Variants in CCDC33 observed in about 807,000 individuals in gnomAD.
CCDC33 encodes coiled-coil domain containing 33, also known as coiled-coil domain-containing protein 33.
A neutral mutation model predicts 91.9 loss-of-function variants in CCDC33; 94 were observed. The observed-to-expected ratio is 1.02, with a 90% confidence interval of 0.87 to 1.21. The LOEUF (loss-of-function observed/expected upper bound fraction) is 1.21, where lower values mean the gene tolerates loss of function less well. Ranked by LOEUF, CCDC33 falls within the 50% of genes most tolerant of loss-of-function variation. The probability of loss-of-function intolerance (pLI) is 0.00; values close to 1 mark genes in which losing one functional copy is unlikely to be tolerated. For missense variants in CCDC33, 940 were observed against 935.5 expected, an observed-to-expected ratio of 1.00 and a Z score of -0.06; for synonymous variants, 396 against 374.5, an observed-to-expected ratio of 1.06 and a Z score of -0.66.
chr15:74,286,568 T>C (rs1055567180), intron 10 of CCDC33, among the ~76,000 whole-genome samples: 8 of 152,172 alleles, frequency 5.3e-5, no homozygotes, highest in Non-Finnish European at 8.8e-5. Context: ...AGGTGCTCAC[T>C]GCATCAGTTC....
In CCDC33 at chr15:74,208,006, C is replaced by G. The variant is rs74802269; in HGVS notation, n.90-1382C>G. 3.6e-3 allele frequency: 5,067 copies of G among 1,393,930 alleles called. 146 individuals carry two copies. In the African/African-American group the frequency reaches 0.064, roughly 18 times the overall value. 86.3% of individuals were successfully genotyped at this position (1,393,930 alleles called of 1,614,324 possible). A position where few individuals can be genotyped will look rare whatever the true frequency, so the allele number is the denominator to read the frequency against. The stretch of plus-strand genomic sequence containing the variant: ...GGGTCAGAAGCACCATCTGATGTGC[C>G]CTTCCTGCAATTCTCATGCCCCCCT... On this transcript the variant is annotated intron_variant and non_coding_transcript_variant, in intron 1 of 3. Transcript: ENST00000558645.
chr15:74,219,657 G>A (rs2074537573), intron 2 of CCDC33, among the ~76,000 whole-genome samples: 1 of 152,172 alleles, frequency 6.6e-6, no homozygotes, highest in African/African-American at 2.4e-5. Context: ...ACTAGGAACG[G>A]CTTCTTGGAA....
At chr15:74,304,121 C>T (rs2142692575) in intron 11 of CCDC33, 1 of 152,404 alleles carries the variant, frequency 6.6e-6, no homozygotes, top group Admixed American at 6.5e-5. Context: ...GCTGTGTGAC[C>T]TTGGATAAAT....
At chr15:74,208,371 C>T (rs1436953883) in intron 1 of CCDC33, among the ~76,000 whole-genome samples, 1 of 152,166 alleles carries the variant, frequency 6.6e-6, no homozygotes, top group African/African-American at 2.4e-5. Context: ...GTTCCCAGCA[C>T]GTTCCTCCCT....
chr15:74,298,709 CT>C (rs35450110), intron 11 of CCDC33, among the ~76,000 whole-genome samples: 21,011 of 74,772 alleles, frequency 0.28, 1,375 homozygotes, highest in South Asian at 0.38. Context: ...CTAATTCTGC[CT>C]TTTTTTTTTT....
At chr15:74,318,342 C>G (rs1484096860) in intron 11 of CCDC33, among the ~76,000 whole-genome samples, 1 of 152,046 alleles carries the variant, frequency 6.6e-6, no homozygotes, top group Non-Finnish European at 1.5e-5. Context: ...GTCAGAAGGC[C>G]GGAGCCCTGA....
At chr15:74,326,167 A>G (rs1430891992) in intron 11 of CCDC33, among the ~76,000 whole-genome samples, 1 of 152,178 alleles carries the variant, frequency 6.6e-6, no homozygotes, top group African/African-American at 2.4e-5. Flanking sequence ...TTTACAAAAA[A>G]TTTAAAAATT....
chr15:74,268,260 G>A, intron 4 of CCDC33, 82 bp from the exon 5 acceptor site: 2 of 974,730 alleles, frequency 2.1e-6, no homozygotes, highest in South Asian at 1.3e-5. Flanking sequence ...GTGATTGTCT[G>A]CAGAGGGCTG....
intron 11 of CCDC33, among the ~76,000 whole-genome samples, chr15:74,296,595 C>T (rs1395341196): frequency 2.6e-5 from 4 of 152,076 alleles, no homozygotes; most frequent in Non-Finnish European, 5.9e-5. Context: ...CATTGCACTC[C>T]AGCCTGGGCA....
At chr15:74,318,087 G>C (rs575769306) in intron 11 of CCDC33, among the ~76,000 whole-genome samples, 28 of 148,228 alleles carry the variant, frequency 1.9e-4, no homozygotes, top group East Asian at 1.8e-3. Context: ...GTGCTGCTGC[G>C]GGGTGGGGAG....
chr15:74,249,806 G>A (rs1371489312), intron 2 of CCDC33, among the ~76,000 whole-genome samples: 2 of 152,156 alleles, frequency 1.3e-5, no homozygotes, highest in Non-Finnish European at 2.9e-5. Flanking sequence ...GGGTCTCTGA[G>A]TCCATTCTTT....
At position 74,320,048 on chromosome 15, in the gene CCDC33, A is replaced by G. The variant is rs541620638; in HGVS notation, c.1291-10141A>G. ...TTCTGTGGAGCAGGAAGTCTGTTTT[A>G]AACAGCAATTTGCACAGATTTGTTG... On this transcript the variant is annotated intron_variant, in intron 11 of 18. Coordinates refer to ENST00000398814, the MANE Select transcript of CCDC33 (RefSeq NM_025055.5). Among the ~76,000 whole-genome samples the G allele has an allele frequency of 5.8e-4, 89 of 152,274 alleles. 1 individual carries two copies. The highest frequency in any genetic ancestry group is 1.6e-4 in the Non-Finnish European group (11 of 68,016).
intron 2 of CCDC33, among the ~76,000 whole-genome samples, chr15:74,250,323 C>A (rs2075667557): frequency 6.6e-6 from 1 of 152,142 alleles, no homozygotes; most frequent in Non-Finnish European, 1.5e-5. Context: ...CCAGGCTCAG[C>A]ACGGTTGGGT....
intron 11 of CCDC33, among the ~76,000 whole-genome samples, chr15:74,315,565 C>T (rs2060073663): frequency 6.6e-6 from 1 of 152,234 alleles, no homozygotes; most frequent in Non-Finnish European, 1.5e-5. Flanking sequence ...AGAACAGTGC[C>T]CAGCCTATGG....
intron 11 of CCDC33, among the ~76,000 whole-genome samples, chr15:74,319,068 A>T (rs2142801646): frequency 6.6e-6 from 1 of 152,096 alleles, no homozygotes; most frequent in Non-Finnish European, 1.5e-5. Flanking sequence ...TGTGAGGAGG[A>T]GTGGGTGTGG....
intron 2 of CCDC33, among the ~76,000 whole-genome samples, chr15:74,251,016 A>G (rs1014970920): frequency 5.3e-5 from 8 of 152,188 alleles, no homozygotes; most frequent in Non-Finnish European, 7.3e-5. Flanking sequence ...TGGGTACAGG[A>G]AGACCTAGCA....
chr15:74,216,058 G>A (rs116223916), upstream of CCDC33, among the ~76,000 whole-genome samples: 1 of 152,154 alleles, frequency 6.6e-6, no homozygotes, highest in Admixed American at 6.5e-5. Flanking sequence ...TGGCCCTAGG[G>A]CAGAAGCAAC....
At chr15:74,329,705 G>A (rs747490017) in intron 11 of CCDC33, among the ~76,000 whole-genome samples, 24 of 152,220 alleles carry the variant, frequency 1.6e-4, no homozygotes, top group Non-Finnish European at 2.6e-4. Context: ...TGTTTGGAGG[G>A]CTGATGCCCA....
chr15:74,246,913 G>A (rs369534083), intron 2 of CCDC33, among the ~76,000 whole-genome samples: 4 of 151,946 alleles, frequency 2.6e-5, no homozygotes, highest in Non-Finnish European at 2.9e-5. Context: ...TTGCGGGGCC[G>A]AGGTGGGCGG....
Sources: gnomAD v4.1 joint callset for allele counts (sites outside exome capture counted in the v4.1 genomes callset) on GRCh38, gnomAD v4.1.1 for gene constraint, MANE v1.5 for transcripts, NCBI Gene and HGNC (gene_info 2026-07-23, HGNC 2026-07-21) for gene names.